Variants in MBP observed in about 807,000 individuals in gnomAD.
MBP encodes Golli-MBP.
A neutral mutation model predicts 35.8 loss-of-function variants in MBP; 16 were observed. That is an observed-to-expected ratio of 0.45 (90% CI 0.30 to 0.68). The LOEUF (loss-of-function observed/expected upper bound fraction) is 0.68, where lower values mean the gene tolerates loss of function less well. Ranked by LOEUF, MBP falls within the 30% of genes least tolerant of loss-of-function variation. MBP has a pLI of 0.08. For synonymous variants in MBP, 143 were observed against 159.6 expected (o/e 0.90, Z 0.78); for missense variants, 380 against 404.7 (o/e 0.94, Z 0.52).
intron 2 of MBP, among the ~76,000 whole-genome samples, chr18:77,068,016 C>CGTGTGTGTGTGTGTGTGTGTGTGTGTGT (rs56090018): frequency 6.7e-6 from 1 of 149,624 alleles, no homozygotes; most frequent in African/African-American, 2.5e-5. Context: ...CCCTCCATCC[C>CGTGTGTGTGTGTGTGTGTGTGTGTGTGT]GTGTGTGTGT....
At chr18:77,109,459 C>G (rs369454660) in intron 1 of MBP, 1 of 152,238 alleles carries the variant, frequency 6.6e-6, no homozygotes, top group Non-Finnish European at 1.5e-5. Flanking sequence ...ACGAGACAGC[C>G]ATGCCCCAAA....
chr18:77,028,134 G>A (rs1200684522), intron 3 of MBP, among the ~76,000 whole-genome samples: 9 of 148,620 alleles, frequency 6.1e-5, no homozygotes, highest in Admixed American at 4.7e-4. Context: ...AGAGGACCCT[G>A]CGGCCTTCCG....
At chr18:77,059,056 CGA>C (rs1385354560) in intron 3 of MBP, among the ~76,000 whole-genome samples, 11 of 152,150 alleles carry the variant, frequency 7.2e-5, no homozygotes, top group Admixed American at 6.5e-4. Context: ...TTCGCCAGCA[CGA>C]GTTCGGGGAA....
At chr18:77,053,900 C>G (rs984779240) in intron 3 of MBP, among the ~76,000 whole-genome samples, 1 of 152,232 alleles carries the variant, frequency 6.6e-6, no homozygotes, top group Non-Finnish European at 1.5e-5. Context: ...CATCCGGAGT[C>G]GGGGCTCGGA....
chr18:76,980,137 C>A lies in MBP; in HGVS notation c.*290G>T. ...TGAACGTGGAGGGACGTCTGTGCACCTGGCCCCCTGAAGACCCACGTGCGT... is the reference window on the plus strand; with the variant it reads ...TGAACGTGGAGGGACGTCTGTGCACATGGCCCCCTGAAGACCCACGTGCGT... On this transcript the variant is annotated 3_prime_UTR_variant, in exon 9 of 9. Coordinates refer to ENST00000355994, the MANE Select transcript of MBP (RefSeq NM_001025101.2). The A allele has an allele frequency of 3.0e-6, 2 of 660,104 alleles. No homozygotes were observed. The highest frequency in any genetic ancestry group is 3.3e-5 in the South Asian group (2 of 60,554). The allele number at this position is 660,104 out of a possible 1,614,324, so 40.9% of individuals were successfully genotyped here.
chr18:77,083,210 G>T (rs917071227), intron 2 of MBP, among the ~76,000 whole-genome samples: 1 of 152,098 alleles, frequency 6.6e-6, no homozygotes, highest in Admixed American at 6.5e-5. Context: ...CAAGTGATCT[G>T]CCCGCCTTGG....
chr18:77,026,786 A>C (rs771999981), intron 3 of MBP, among the ~76,000 whole-genome samples: 2 of 152,186 alleles, frequency 1.3e-5, no homozygotes, highest in African/African-American at 2.4e-5. Flanking sequence ...GGATCACTTA[A>C]GCCCAGGAAG....
At chr18:77,075,141 T>A (rs1424987879) in intron 2 of MBP, among the ~76,000 whole-genome samples, 1 of 152,224 alleles carries the variant, frequency 6.6e-6, no homozygotes, top group Admixed American at 6.5e-5. Context: ...GCAGGTGGAA[T>A]CACTGAAGTA....
At chr18:77,046,650 T>C (rs1225309883) in intron 3 of MBP, among the ~76,000 whole-genome samples, 1 of 152,222 alleles carries the variant, frequency 6.6e-6, no homozygotes, top group Non-Finnish European at 1.5e-5. Flanking sequence ...CTGGGGAGGC[T>C]GGAGGAGGTA....
chr18:76,984,258 G>C (rs1208770207), intron 8 of MBP: 1 of 155,188 alleles, frequency 6.4e-6, no homozygotes, highest in African/African-American at 2.4e-5. Context: ...TTACAGATGA[G>C]AAAACCAAGT....
At chr18:77,105,626 TACAC>T (rs906952657) in intron 1 of MBP, among the ~76,000 whole-genome samples, 40 of 152,354 alleles carry the variant, frequency 2.6e-4, no homozygotes, top group African/African-American at 8.9e-4. Flanking sequence ...CATACCTATG[TACAC>T]ACACAGAGAA....
At chr18:76,986,365 C>T (rs771139266) in intron 7 of MBP, 3 of 985,410 alleles carry the variant, frequency 3.0e-6, no homozygotes, top group Non-Finnish European at 3.6e-6. Flanking sequence ...CCTTGACCAA[C>T]CTAGCCCATC....
Position 76,987,179 on chromosome 18 carries a change from G to T in MBP, c.750+1316C>A, listed in dbSNP as rs1224994688. ...ACATTCAGGGAGGATCCGGCACGAC[G>T]GCCCCAAAGTCCACTCCTAGAAAAT... On this transcript the variant is annotated intron_variant, in intron 7 of 8. Coordinates refer to ENST00000355994, the MANE Select transcript of MBP (RefSeq NM_001025101.2). The T allele has an allele frequency of 5.1e-6, 5 of 985,272 alleles. No individual in the cohort carries two copies. The Admixed American group carries it at 2.5e-4, about 48-fold the overall frequency. 61.0% of individuals were successfully genotyped at this position (985,272 alleles called of 1,614,324 possible).
intron 3 of MBP, among the ~76,000 whole-genome samples, chr18:77,023,218 G>A (rs1303746909): frequency 6.6e-6 from 1 of 152,190 alleles, no homozygotes; most frequent in Non-Finnish European, 1.5e-5. Context: ...GCAGGACGCA[G>A]CTGTGATATG....
chr18:76,991,684 C>T (rs1195205031), intron 4 of MBP, among the ~76,000 whole-genome samples: 2 of 152,216 alleles, frequency 1.3e-5, no homozygotes, highest in Non-Finnish European at 2.9e-5. Context: ...AGAGCCCACA[C>T]CTCAGGCAGG....
chr18:77,029,431 A>G (rs1316020011), intron 3 of MBP, among the ~76,000 whole-genome samples: 11 of 44,398 alleles, frequency 2.5e-4, no homozygotes, highest in Non-Finnish European at 2.6e-4. Context: ...CCGTGGGGAG[A>G]GGGAGAGGGA....
chr18:76,991,592 C>T (rs1162857994), intron 4 of MBP, among the ~76,000 whole-genome samples: 2 of 152,106 alleles, frequency 1.3e-5, no homozygotes, highest in Non-Finnish European at 2.9e-5. Flanking sequence ...GGGGAGCTTG[C>T]GAGATTGATT....
At chr18:77,000,951 A>G (rs1407745023) in intron 4 of MBP, among the ~76,000 whole-genome samples, 1 of 152,092 alleles carries the variant, frequency 6.6e-6, no homozygotes, top group African/African-American at 2.4e-5. Flanking sequence ...AATTAATTTG[A>G]AAAAAGATTA....
intron 3 of MBP, among the ~76,000 whole-genome samples, chr18:77,037,524 C>T (rs1972827924): frequency 6.6e-6 from 1 of 152,244 alleles, no homozygotes; most frequent in Non-Finnish European, 1.5e-5. Context: ...TCTTGAAGGT[C>T]TCTGAGCAGG....
Sources: gnomAD v4.1 joint callset for allele counts (sites outside exome capture counted in the v4.1 genomes callset) on GRCh38, gnomAD v4.1.1 for gene constraint, MANE v1.5 for transcripts, NCBI Gene and HGNC (gene_info 2026-07-23, HGNC 2026-07-21) for gene names.